The following VTI1A variants were observed in gnomAD, a reference collection of about 807,000 sequenced individuals.
VTI1A encodes the protein vesicle transport through interaction with t-SNAREs 1A.
VTI1A carries 22 observed loss-of-function variants against 34.9 expected under a neutral mutation model. The ratio of observed to expected loss-of-function variants is 0.63; its 90% confidence interval spans 0.45 to 0.90. The LOEUF is 0.90. VTI1A is among the 40% of genes least tolerant of loss of function. The pLI, the probability that VTI1A is intolerant of heterozygous loss-of-function variation, is 0.00. For missense variants in VTI1A, 268 were observed against 275.6 expected (o/e 0.97, Z 0.20); for synonymous variants, 87 against 97.3 (o/e 0.89, Z 0.62).
rs78577720 is a variant in VTI1A, at chr10:112,692,354, T to C, written c.560+23356T>C. ...TCCTCATTCTTCTGTCTGCTCTTTC[T>C]GGAAGCCTCTGAATTCCCCAGGCCA... On this transcript the variant is annotated intron_variant, in intron 7 of 7. Coordinates refer to ENST00000393077, the MANE Select transcript of VTI1A (RefSeq NM_145206.4). Among the ~76,000 whole-genome samples the C allele has an allele frequency of 4.1e-3, 631 of 152,356 alleles. 6 individuals are homozygous for C. Among genetic ancestry groups the C allele is most frequent in the African/African-American group, 0.014 (596 of 41,584 alleles).
At chr10:112,502,011 C>T (rs1849259662) in intron 3 of VTI1A, among the ~76,000 whole-genome samples, 1 of 150,010 alleles carries the variant, frequency 6.7e-6, no homozygotes, top group African/African-American at 2.4e-5. Flanking sequence ...GCCCATGTTC[C>T]CTAGAATCCT....
chr10:112,464,667 A>G lies in VTI1A; in HGVS notation c.264+10A>G. On this transcript the variant is annotated intron_variant, in intron 3 of 7. Transcript: ENST00000393077. Reference sequence around the variant, plus strand: ...ACTCGAAACAGATTTTGTGAGTCAAATTCGACCCTTTGTCATATTTACTTT... The same window carrying G: ...ACTCGAAACAGATTTTGTGAGTCAAGTTCGACCCTTTGTCATATTTACTTT... 6.2e-7 allele frequency: 1 copy of G among 1,606,486 alleles called. No homozygotes were observed.
At chr10:112,458,387 A>G (rs1847612068) in intron 1 of VTI1A, among the ~76,000 whole-genome samples, 1 of 152,210 alleles carries the variant, frequency 6.6e-6, no homozygotes, top group Non-Finnish European at 1.5e-5. Context: ...AATGTCCCAG[A>G]AGCAAATACA....
At position 112,478,939 on chromosome 10, in the gene VTI1A, C is replaced by T. The variant is rs575569376; in HGVS notation, c.264+14282C>T. Among the ~76,000 whole-genome samples the T allele has an allele frequency of 3.7e-3, 558 of 152,166 alleles. 3 individuals are homozygous for T. The highest frequency in any genetic ancestry group is 0.013 in the African/African-American group (529 of 41,498). Reference sequence around the variant, plus strand: ...ATCCCAGCACTTTGGGAGGCCGAGACGGGCGGATCACAAGGTCAAGAGATC... The same window carrying T: ...ATCCCAGCACTTTGGGAGGCCGAGATGGGCGGATCACAAGGTCAAGAGATC... On this transcript the variant is annotated intron_variant, in intron 3 of 7. Coordinates refer to ENST00000393077, the MANE Select transcript of VTI1A (RefSeq NM_145206.4).
At chr10:112,704,068 G>A (rs984539590) in intron 7 of VTI1A, among the ~76,000 whole-genome samples, 17 of 151,716 alleles carry the variant, frequency 1.1e-4, no homozygotes, top group South Asian at 2.1e-4. Flanking sequence ...TCTTTTCTTC[G>A]GTCTTATTTA....
upstream of VTI1A, chr10:112,447,027 G>GTAGC: frequency 3.2e-5 from 9 of 280,696 alleles, no homozygotes; most frequent in South Asian, 2.0e-4. Flanking sequence ...ATCCGGAGCC[G>GTAGC]ATTCCCAGAA....
At chr10:112,601,851 C>T (rs963620960) in intron 5 of VTI1A, among the ~76,000 whole-genome samples, 1 of 152,176 alleles carries the variant, frequency 6.6e-6, no homozygotes, top group Non-Finnish European at 1.5e-5. Context: ...TAAATAAACA[C>T]ATCTGAAATT....
At chr10:112,835,568 G>A in the VTI1A span, among the ~76,000 whole-genome samples, 1 of 152,182 alleles carries the variant, frequency 6.6e-6, no homozygotes, top group Admixed American at 6.5e-5. Context: ...TATTTGGAAA[G>A]CAGTAATCCT....
intron 7 of VTI1A, among the ~76,000 whole-genome samples, chr10:112,776,582 C>T (rs1181108609): frequency 6.6e-6 from 1 of 152,124 alleles, no homozygotes; most frequent in Admixed American, 6.5e-5. Flanking sequence ...CCTACCTCCT[C>T]ATCCCCCAGG....
downstream of VTI1A, among the ~76,000 whole-genome samples, chr10:112,819,711 A>C (rs532265930): frequency 6.6e-6 from 1 of 152,258 alleles, no homozygotes; most frequent in Non-Finnish European, 1.5e-5. Flanking sequence ...ATGAGCTTGA[A>C]GGGCCAGGGA....
Position 112,817,134 on chromosome 10 carries a change from AG to A in VTI1A, c.*1753del, listed in dbSNP as rs1853546564. The A allele has an allele frequency of 4.3e-6, 1 of 232,760 alleles. No homozygotes were observed. Among genetic ancestry groups the A allele is most frequent in the Non-Finnish European group, 8.5e-6 (1 of 117,698 alleles). The allele number at this position is 232,760 out of a possible 1,614,324, so 14.4% of individuals were successfully genotyped here. ...CACATCTAAGAACCATTAAAAAGCA[AG>A]GAAACAAACAAACAACCCTTTTCTC... On this transcript the variant is annotated 3_prime_UTR_variant, in exon 8 of 8. Coordinates refer to ENST00000393077, the MANE Select transcript of VTI1A (RefSeq NM_145206.4).
At chr10:112,619,154 G>A (rs1431377073) in intron 5 of VTI1A, among the ~76,000 whole-genome samples, 1 of 151,550 alleles carries the variant, frequency 6.6e-6, no homozygotes, top group East Asian at 1.9e-4. Flanking sequence ...TAAACTAGCA[G>A]GTATTTTTTT....
At chr10:112,720,193 G>C (rs1485587869) in intron 7 of VTI1A, among the ~76,000 whole-genome samples, 23 of 152,196 alleles carry the variant, frequency 1.5e-4, no homozygotes, top group Admixed American at 1.5e-3. Flanking sequence ...GTTTTTGTGT[G>C]AACATACACT....
chr10:112,530,071 C>A (rs1219209362), intron 4 of VTI1A, among the ~76,000 whole-genome samples: 3 of 152,038 alleles, frequency 2.0e-5, no homozygotes, highest in African/African-American at 7.2e-5. Flanking sequence ...TTTTCAAAAG[C>A]ATTTTTAATG....
intron 7 of VTI1A, among the ~76,000 whole-genome samples, chr10:112,723,457 A>C (rs372018611): frequency 2.6e-5 from 4 of 152,214 alleles, no homozygotes; most frequent in African/African-American, 9.7e-5. Flanking sequence ...TTGATTCTAC[A>C]TTAAGATCAG....
At chr10:112,566,326 G>T (rs907039508) in intron 5 of VTI1A, among the ~76,000 whole-genome samples, 1 of 152,088 alleles carries the variant, frequency 6.6e-6, no homozygotes, top group East Asian at 1.9e-4. Flanking sequence ...TCAATAAAAT[G>T]TTAAAATAAT....
At chr10:112,630,096 AG>A (rs1332166712) in intron 5 of VTI1A, among the ~76,000 whole-genome samples, 1 of 152,216 alleles carries the variant, frequency 6.6e-6, no homozygotes, top group Non-Finnish European at 1.5e-5. Context: ...ATTGATCAAA[AG>A]ATGAAGGTTC....
chr10:112,641,099 G>A (rs146978691), intron 5 of VTI1A, among the ~76,000 whole-genome samples: 1 of 151,508 alleles, frequency 6.6e-6, no homozygotes, highest in African/African-American at 2.4e-5. Flanking sequence ...ATCATTCTGA[G>A]AGGGGGTGTA....
Position 112,812,873 on chromosome 10 carries a change from G to A in VTI1A, c.561-2417G>A, listed in dbSNP as rs185473363. Among the ~76,000 whole-genome samples, 246 of 152,248 alleles carry A rather than the reference G, an allele frequency of 1.6e-3. 1 individual carries two copies. The highest frequency in any genetic ancestry group is 5.4e-3 in the South Asian group (26 of 4,822). ...GATGGTAGGAAGTTTCATCTTTGAC[G>A]GGGCTTGCTTCAACTTTGAACTTTA... On this transcript the variant is annotated intron_variant, in intron 7 of 7. Transcript: ENST00000393077.
Sources: allele counts gnomAD v4.1 joint callset (sites outside exome capture counted in the v4.1 genomes callset), GRCh38; gene constraint gnomAD v4.1.1; transcripts MANE v1.5; gene names NCBI Gene and HGNC (gene_info 2026-07-23, HGNC 2026-07-21).